The following RAB38 variants were observed in gnomAD, a reference collection of about 807,000 sequenced individuals.
RAB38 encodes the protein ras-related protein Rab-38.
Under a neutral mutation model 18.4 loss-of-function variants are expected in RAB38, and 15 were observed. That is an observed-to-expected ratio of 0.82 (90% CI 0.55 to 1.26). The LOEUF (loss-of-function observed/expected upper bound fraction) is 1.26, where lower values mean the gene tolerates loss of function less well. Ranked by LOEUF, RAB38 falls within the 50% of genes most tolerant of loss-of-function variation. The pLI, the probability that RAB38 is intolerant of heterozygous loss-of-function variation, is 0.00. For synonymous variants in RAB38, 101 were observed against 104.4 expected (o/e 0.97, Z 0.20); for missense variants, 294 against 267.4 (o/e 1.10, Z -0.69).
At chr11:88,012,601 A>G in the RAB38 span, among the ~76,000 whole-genome samples, 1 of 152,178 alleles carries the variant, frequency 6.6e-6, no homozygotes, top group South Asian at 2.1e-4. Context: ...CCCAAAAGCC[A>G]TCTGTGCCCT....
the RAB38 span, among the ~76,000 whole-genome samples, chr11:87,940,359 T>C: frequency 1.3e-5 from 2 of 152,116 alleles, no homozygotes; most frequent in Non-Finnish European, 2.9e-5. Context: ...AGTGAGATAA[T>C]GAGTGAAATA....
chr11:88,122,755 G>C (rs550825828), intron 2 of RAB38, among the ~76,000 whole-genome samples: 7 of 152,328 alleles, frequency 4.6e-5, no homozygotes, highest in African/African-American at 1.4e-4. Context: ...ATCTATGGTA[G>C]AAATTACATA....
the RAB38 span, among the ~76,000 whole-genome samples, chr11:88,054,536 T>C: frequency 2.0e-5 from 3 of 152,244 alleles, no homozygotes; most frequent in Non-Finnish European, 2.9e-5. Context: ...ATTCAGCTCA[T>C]CTGGGATTTA....
the RAB38 span, among the ~76,000 whole-genome samples, chr11:87,919,803 T>C: frequency 6.6e-6 from 1 of 152,054 alleles, no homozygotes; most frequent in East Asian, 1.9e-4. Context: ...CTGTTCAGAT[T>C]TTCTGTTTCT....
intron 2 of RAB38, among the ~76,000 whole-genome samples, chr11:88,134,382 CG>C (rs2134800573): frequency 6.6e-6 from 1 of 151,692 alleles, no homozygotes; most frequent in South Asian, 2.1e-4. Context: ...CGGGGACTAC[CG>C]GTGTCTGCCA....
chr11:88,108,332 G>C (rs572691279), downstream of RAB38, among the ~76,000 whole-genome samples: 1 of 152,280 alleles, frequency 6.6e-6, no homozygotes, highest in African/African-American at 2.4e-5. Flanking sequence ...ATTTAGGATA[G>C]TTAGCTCTTC....
the RAB38 span, among the ~76,000 whole-genome samples, chr11:87,946,018 A>C: frequency 1.3e-5 from 2 of 152,180 alleles, no homozygotes; most frequent in Non-Finnish European, 2.9e-5. Context: ...GGCCCAGAGA[A>C]AGTAAATAAC....
the RAB38 span, among the ~76,000 whole-genome samples, chr11:87,809,592 C>T: frequency 6.6e-6 from 1 of 152,186 alleles, no homozygotes; most frequent in South Asian, 2.1e-4. Context: ...TCTTATTCAA[C>T]CTGGGCAATC....
At chr11:88,100,548 A>C in the RAB38 span, among the ~76,000 whole-genome samples, 1 of 152,104 alleles carries the variant, frequency 6.6e-6, no homozygotes, top group East Asian at 1.9e-4. Context: ...TGTGATTAAA[A>C]TAGATTATTA....
At chr11:87,844,079 C>T in the RAB38 span, among the ~76,000 whole-genome samples, 2 of 152,132 alleles carry the variant, frequency 1.3e-5, no homozygotes, top group African/African-American at 4.8e-5. Context: ...CTTCATATAA[C>T]GTCTCATCAG....
At chr11:87,807,757 C>G in the RAB38 span, among the ~76,000 whole-genome samples, 1 of 152,068 alleles carries the variant, frequency 6.6e-6, no homozygotes, top group Non-Finnish European at 1.5e-5. Context: ...GTGACGAAGA[C>G]CTTTGGGAAG....
the RAB38 span, among the ~76,000 whole-genome samples, chr11:87,955,830 A>G: frequency 2.0e-5 from 3 of 151,662 alleles, no homozygotes; most frequent in African/African-American, 7.3e-5. Flanking sequence ...CTCATAACTC[A>G]TTAGTGAGTG....
chr11:88,036,137 G>A, the RAB38 span, among the ~76,000 whole-genome samples: 8,418 of 152,076 alleles, frequency 0.055, 359 homozygotes, highest in African/African-American at 0.081. Context: ...TTGATAATGG[G>A]AGTCCAGTTA....
chr11:88,080,152 T>C, the RAB38 span, among the ~76,000 whole-genome samples: 3 of 151,748 alleles, frequency 2.0e-5, no homozygotes, highest in Non-Finnish European at 4.4e-5. Flanking sequence ...TCCCAAGGAA[T>C]CTATCAAAAG....
At chr11:88,155,807 G>A (rs1943118439) in intron 1 of RAB38, among the ~76,000 whole-genome samples, 1 of 152,120 alleles carries the variant, frequency 6.6e-6, no homozygotes, top group Non-Finnish European at 1.5e-5. Context: ...AAATGAAGGA[G>A]GAGATAAATC....
At chr11:88,025,777 T>G in the RAB38 span, among the ~76,000 whole-genome samples, 1 of 152,204 alleles carries the variant, frequency 6.6e-6, no homozygotes, top group Non-Finnish European at 1.5e-5. Context: ...TATTAGACAT[T>G]TGTCAGATGC....
chr11:87,959,125 G>A, the RAB38 span, among the ~76,000 whole-genome samples: 2 of 152,216 alleles, frequency 1.3e-5, no homozygotes, highest in African/African-American at 4.8e-5. Flanking sequence ...TTCAGGCTAT[G>A]GGCCCATAGC....
chr11:88,059,113 G>T, the RAB38 span, among the ~76,000 whole-genome samples: 1 of 152,128 alleles, frequency 6.6e-6, no homozygotes, highest in African/African-American at 2.4e-5. Flanking sequence ...AAGCCTCAGC[G>T]TTCTTGTCTG....
At chr11:88,150,074 A>G in intron 1 of RAB38, 119 bp from the exon 2 acceptor site, 1 of 1,087,026 alleles carries the variant, frequency 9.2e-7, no homozygotes, top group Non-Finnish European at 1.3e-6. Context: ...GTCTTTACTG[A>G]TAATCTTTAA....
Sources: gnomAD v4.1 joint callset for allele counts (sites outside exome capture counted in the v4.1 genomes callset) on GRCh38, gnomAD v4.1.1 for gene constraint, MANE v1.5 for transcripts, NCBI Gene and HGNC (gene_info 2026-07-23, HGNC 2026-07-21) for gene names.